The following EIF5A2 variants were observed in gnomAD, a reference collection of about 807,000 sequenced individuals.
The protein encoded by EIF5A2 is eukaryotic translation initiation factor 5A-2.
A neutral mutation model predicts 16.4 loss-of-function variants in EIF5A2; 15 were observed. The ratio of observed to expected loss-of-function variants is 0.92; its 90% CI spans 0.61 to 1.41. EIF5A2 has a LOEUF of 1.41. Among genes scored for constraint, EIF5A2 ranks in the 40% most tolerant of loss-of-function variants. The pLI is 0.00. For missense variants in EIF5A2, 144 were observed against 189.5 expected, an observed-to-expected ratio of 0.76 and a Z score of 1.41; for synonymous variants, 48 against 61.1, an observed-to-expected ratio of 0.79 and a Z score of 1.00.
chr3:170,900,771 G>A (rs1011466327), intron 3 of EIF5A2, among the ~76,000 whole-genome samples: 8 of 152,044 alleles, frequency 5.3e-5, no homozygotes, highest in African/African-American at 1.9e-4. Context: ...CCCGCTACAC[G>A]CACAGACACT....
rs1712476642 is a variant in EIF5A2 at position 170,889,504 on chromosome 3, T to G, written c.*3856A>C. 2 of 152,436 alleles carry G rather than the reference T, an allele frequency of 1.3e-5. No individual in the cohort carries two copies. Among genetic ancestry groups the G allele is most frequent in the Non-Finnish European group, 2.9e-5 (2 of 67,964 alleles). The allele number at this position is 152,436 out of a possible 1,614,324, so 9.4% of individuals were successfully genotyped here. A position where few individuals can be genotyped will look rare whatever the true frequency, so the allele number is the denominator to read the frequency against. ...CTTTGTTGCCTGTTACTTGTCTGAATGTTAGCAGAAAAAAAAGGCTTGAAA... is the reference window on the plus strand; with the variant it reads ...CTTTGTTGCCTGTTACTTGTCTGAAGGTTAGCAGAAAAAAAAGGCTTGAAA... On this transcript the variant is annotated 3_prime_UTR_variant, in exon 5 of 5. Transcript: ENST00000295822.
rs1712456783 is a variant in EIF5A2, at chr3:170,889,046, G to GTCT, written c.*4311_*4313dup. 3.9e-5 allele frequency: 1 copy of GTCT among 25,860 alleles called. No homozygotes were observed. The highest frequency in any genetic ancestry group is 7.3e-5 in the Non-Finnish European group (1 of 13,754). The allele number at this position is 25,860 out of a possible 1,614,324, so 1.6% of individuals were successfully genotyped here. The stretch of plus-strand genomic sequence containing the variant: ...GGACTTCATATAAATACAATAACCT[G>GTCT]TCTTTTTTTTTTTTTTTTTTTTTTT... On this transcript the variant is annotated 3_prime_UTR_variant, in exon 5 of 5. Transcript: ENST00000295822.
intron 1 of EIF5A2, 83 bp from the exon 2 acceptor site, chr3:170,907,924 G>T: frequency 1.9e-6 from 2 of 1,066,132 alleles, no homozygotes; most frequent in South Asian, 2.1e-5. Context: ...TATGTGCCAA[G>T]CATCATGGGC....
intron 3 of EIF5A2, among the ~76,000 whole-genome samples, chr3:170,904,147 C>A (rs940518606): frequency 2.0e-5 from 3 of 152,208 alleles, no homozygotes; most frequent in Admixed American, 1.3e-4. Flanking sequence ...CAGTCCCGGA[C>A]ATCTATAACT....
chr3:170,899,933 ATT>A (rs34915978), intron 3 of EIF5A2, among the ~76,000 whole-genome samples: 2 of 146,282 alleles, frequency 1.4e-5, no homozygotes, highest in African/African-American at 5.0e-5. Context: ...GTTTTTGAAC[ATT>A]TTTTTTTTTG....
chr3:170,895,851 TA>T (rs1712657826), intron 3 of EIF5A2, among the ~76,000 whole-genome samples: 1 of 152,172 alleles, frequency 6.6e-6, no homozygotes, highest in Admixed American at 6.5e-5. Flanking sequence ...AAAATATATA[TA>T]TTTTTAAAGA....
chr3:170,902,837 C>T (rs1166240377), intron 3 of EIF5A2, among the ~76,000 whole-genome samples: 5 of 151,920 alleles, frequency 3.3e-5, no homozygotes, highest in Non-Finnish European at 5.9e-5. Context: ...GATCTCTTGA[C>T]CTCGTGATCT....
chr3:170,902,002 C>G (rs1009827524), intron 3 of EIF5A2, among the ~76,000 whole-genome samples: 37 of 152,288 alleles, frequency 2.4e-4, no homozygotes, highest in African/African-American at 7.0e-4. Context: ...CCTGACCCAT[C>G]ATCTGACCCA....
chr3:170,907,130 C>A, intron 2 of EIF5A2, 37 bp from the exon 3 acceptor site: 1 of 1,362,686 alleles, frequency 7.3e-7, no homozygotes, highest in Non-Finnish European at 1.0e-6. Context: ...TTAATCTCTG[C>A]CAAGTATATC....
At chr3:170,899,130 G>T (rs1290545399) in intron 3 of EIF5A2, among the ~76,000 whole-genome samples, 1 of 152,230 alleles carries the variant, frequency 6.6e-6, no homozygotes, top group South Asian at 2.1e-4. Context: ...CCTAACTCCA[G>T]GGTCATACCT....
chr3:170,896,230 C>T (rs550601885), intron 3 of EIF5A2, among the ~76,000 whole-genome samples: 31 of 151,804 alleles, frequency 2.0e-4, no homozygotes, highest in Non-Finnish European at 4.1e-4. Flanking sequence ...TTCAGATGTA[C>T]AAATATATAA....
Position 170,891,330 on chromosome 3 carries a change from A to C in EIF5A2, c.*2030T>G, listed in dbSNP as rs1712529102. ...CAGTATGTAGTAGGTACTTAAATAG[A>C]ATACTGGAAAGAATGTAGCCTAATT... On this transcript the variant is annotated 3_prime_UTR_variant, in exon 5 of 5. Coordinates refer to ENST00000295822, the MANE Select transcript of EIF5A2 (RefSeq NM_020390.6). 1 of 152,626 alleles carries C rather than the reference A, an allele frequency of 6.6e-6. No individual in the cohort carries two copies. The highest frequency in any genetic ancestry group is 1.5e-5 in the Non-Finnish European group (1 of 68,022). The allele number at this position is 152,626 out of a possible 1,614,324, so 9.5% of individuals were successfully genotyped here.
intron 3 of EIF5A2, among the ~76,000 whole-genome samples, chr3:170,900,774 C>T (rs1476931258): frequency 6.6e-6 from 1 of 152,192 alleles, no homozygotes; most frequent in Non-Finnish European, 1.5e-5. Flanking sequence ...GCTACACGCA[C>T]AGACACTGGT....
rs777373829 is a variant in EIF5A2 at position 170,894,301 on chromosome 3, T to C, written c.393A>G (p.Glu131=). 6.2e-7 allele frequency: 1 copy of C among 1,613,710 alleles called. No homozygotes were observed. The highest frequency in any genetic ancestry group is 8.5e-7 in the Non-Finnish European group (1 of 1,179,778). ...KEIEGKYNAG[E]DVQVSVMCAM... The stretch of plus-strand genomic sequence containing the variant: ...TTCTCTAAGTCTTTACCTGTACATC[T>C]TCACCTGCATTGTATTTTCCCTCTA... Residue 131 remains glutamate (E), a synonymous_variant, in exon 4 of 5, where the codon GAA becomes GAG. Coordinates refer to ENST00000295822, the MANE Select transcript of EIF5A2 (RefSeq NM_020390.6).
At chr3:170,901,969 C>G (rs1455321266) in intron 3 of EIF5A2, among the ~76,000 whole-genome samples, 2 of 152,124 alleles carry the variant, frequency 1.3e-5, no homozygotes, top group East Asian at 3.8e-4. Context: ...ATTGTACAGC[C>G]TAAGCAAATA....
rs548584918 is a variant in EIF5A2 at position 170,892,752 on chromosome 3, C to G, written c.*608G>C. ...CCCTTCTGCCAACCATAAGAAGGGA[C>G]TAAAACCACCATATAAGGTTACATC... On this transcript the variant is annotated 3_prime_UTR_variant, in exon 5 of 5. Transcript: ENST00000295822. 27 of 398,460 alleles carry G rather than the reference C, an allele frequency of 6.8e-5. No homozygotes were observed. Among genetic ancestry groups the G allele is most frequent in the Non-Finnish European group, 1.1e-4 (25 of 226,062 alleles). The allele number at this position is 398,460 out of a possible 1,614,324, so 24.7% of individuals were successfully genotyped here.
chr3:170,906,903 T>G, intron 3 of EIF5A2, 86 bp downstream of exon 3: 1 of 819,852 alleles, frequency 1.2e-6, no homozygotes, highest in Non-Finnish European at 1.8e-6. Flanking sequence ...AAAACTACTC[T>G]TGGGTTTTGT....
intron 3 of EIF5A2, among the ~76,000 whole-genome samples, chr3:170,899,655 T>G (rs977063335): frequency 6.6e-6 from 1 of 152,034 alleles, no homozygotes; most frequent in African/African-American, 2.4e-5. Context: ...AACTTTGATA[T>G]GCTGACTAAG....
chr3:170,894,439 A>G lies in EIF5A2; in HGVS notation c.271-16T>C. 6.2e-7 allele frequency: 1 copy of G among 1,613,042 alleles called. No individual in the cohort carries two copies. The highest frequency in any genetic ancestry group is 2.2e-5 in the East Asian group (1 of 44,794). ...TGCATATCAGCTATTAGAAGAAATT[A>G]TATCATTTGTGCTGATTAGATTATA... On this transcript the variant is annotated splice_polypyrimidine_tract_variant and intron_variant, in intron 3 of 4. Transcript: ENST00000295822.
Sources: gnomAD v4.1 joint callset for allele counts (sites outside exome capture counted in the v4.1 genomes callset) on GRCh38, gnomAD v4.1.1 for gene constraint, MANE v1.5 for transcripts, NCBI Gene and HGNC (gene_info 2026-07-23, HGNC 2026-07-21) for gene names.